ANGPT1: variants seen among roughly 807,000 people sequenced by gnomAD.
ANGPT1 encodes the protein angiopoietin-1.
Under a neutral mutation model 62.2 loss-of-function variants are expected in ANGPT1, and 17 were observed. The observed-to-expected ratio is 0.27, with a 90% confidence interval of 0.19 to 0.41. The LOEUF (loss-of-function observed/expected upper bound fraction) is 0.41. Ranked by LOEUF, ANGPT1 falls within the 10% of genes least tolerant of loss-of-function variation. ANGPT1 has a pLI of 1.00. For missense variants in ANGPT1, 478 were observed against 594.9 expected (o/e 0.80, Z 2.04); for synonymous variants, 199 against 198.9 (o/e 1.00, Z 0.00).
chr8:107,466,506 T>G (rs2130487776), intron 1 of ANGPT1, among the ~76,000 whole-genome samples: 1 of 152,260 alleles, frequency 6.6e-6, no homozygotes, highest in East Asian at 1.9e-4. Flanking sequence ...CCTGGCCTAC[T>G]TCATACACTC....
chr8:107,376,254 C>T (rs546587179), intron 1 of ANGPT1, among the ~76,000 whole-genome samples: 1 of 152,240 alleles, frequency 6.6e-6, no homozygotes, highest in South Asian at 2.1e-4. Context: ...ATAACTCTTG[C>T]CACAAGTTGC....
At chr8:107,439,991 T>C (rs1811432240) in intron 1 of ANGPT1, among the ~76,000 whole-genome samples, 1 of 152,152 alleles carries the variant, frequency 6.6e-6, no homozygotes, top group Non-Finnish European at 1.5e-5. Flanking sequence ...TCGGAAACCA[T>C]GGTGCAGGGA....
intron 7 of ANGPT1, among the ~76,000 whole-genome samples, chr8:107,276,327 CAGG>C (rs1813865829): frequency 1.3e-5 from 2 of 152,144 alleles, no homozygotes; most frequent in South Asian, 2.1e-4. Flanking sequence ...TAGAAACTGC[CAGG>C]AGATTTCCTA....
At chr8:107,373,296 T>C (rs915565488) in intron 1 of ANGPT1, among the ~76,000 whole-genome samples, 7 of 151,718 alleles carry the variant, frequency 4.6e-5, no homozygotes, top group Non-Finnish European at 7.4e-5. Context: ...AATTAGAGAG[T>C]GTATTTGGAG....
chr8:107,282,694 T>C (rs1361813549), intron 7 of ANGPT1, among the ~76,000 whole-genome samples: 1 of 150,290 alleles, frequency 6.7e-6, no homozygotes, highest in African/African-American at 2.4e-5. Context: ...CACAGTTCTA[T>C]CAAGAAAGAA....
chr8:107,394,745 AT>A (rs1816902164), intron 1 of ANGPT1, among the ~76,000 whole-genome samples: 1 of 152,156 alleles, frequency 6.6e-6, no homozygotes, highest in Non-Finnish European at 1.5e-5. Flanking sequence ...CTTCAGGATG[AT>A]TTTGTTAAGA....
chr8:107,361,031 A>G (rs560053544), intron 1 of ANGPT1, among the ~76,000 whole-genome samples: 4 of 152,214 alleles, frequency 2.6e-5, no homozygotes, highest in Non-Finnish European at 5.9e-5. Context: ...TTACTCAACC[A>G]AAACAGAGAC....
intron 1 of ANGPT1, among the ~76,000 whole-genome samples, chr8:107,348,061 C>T (rs1815851140): frequency 6.6e-6 from 1 of 152,158 alleles, no homozygotes; most frequent in South Asian, 2.1e-4. Context: ...TTTTATTACT[C>T]TACTACACAT....
At chr8:107,297,795 A>G (rs1814454451) in intron 5 of ANGPT1, among the ~76,000 whole-genome samples, 1 of 151,164 alleles carries the variant, frequency 6.6e-6, no homozygotes, top group African/African-American at 2.4e-5. Flanking sequence ...ACATATATCT[A>G]TATTTAAGAG....
chr8:107,468,713 T>A (rs1352834618), intron 1 of ANGPT1, among the ~76,000 whole-genome samples: 1 of 152,026 alleles, frequency 6.6e-6, no homozygotes, highest in Non-Finnish European at 1.5e-5. Flanking sequence ...TGAACATGCA[T>A]CTCTCTGGAA....
intron 4 of ANGPT1, among the ~76,000 whole-genome samples, chr8:107,304,134 C>A (rs1178546612): frequency 1.3e-5 from 2 of 151,652 alleles, no homozygotes; most frequent in Non-Finnish European, 3.0e-5. Context: ...GTGAAAGAGT[C>A]ACAGTAAACA....
chr8:107,372,798 T>C (rs1448170434), intron 1 of ANGPT1, among the ~76,000 whole-genome samples: 2 of 151,540 alleles, frequency 1.3e-5, no homozygotes, highest in East Asian at 3.9e-4. Context: ...CATTTTCCTC[T>C]GGATTTTTGT....
At chr8:107,372,232 G>A (rs1050080821) in intron 1 of ANGPT1, among the ~76,000 whole-genome samples, 2 of 152,100 alleles carry the variant, frequency 1.3e-5, no homozygotes, top group African/African-American at 4.8e-5. Context: ...CCTCCCAGCT[G>A]TAACAAGTAA....
chr8:107,255,256 T>C (rs1416345014), intron 8 of ANGPT1, among the ~76,000 whole-genome samples: 2 of 152,062 alleles, frequency 1.3e-5, no homozygotes, highest in African/African-American at 4.8e-5. Context: ...TCCTGAAAGA[T>C]GGGTATGAGT....
At chr8:107,469,989 G>C (rs1198499459) in intron 1 of ANGPT1, among the ~76,000 whole-genome samples, 1 of 151,954 alleles carries the variant, frequency 6.6e-6, no homozygotes, top group South Asian at 2.1e-4. Flanking sequence ...CTCTATGTAG[G>C]TTTAAAATGA....
chr8:107,439,730 C>T (rs72674320), intron 1 of ANGPT1, among the ~76,000 whole-genome samples: 2,925 of 152,270 alleles, frequency 0.019, 38 homozygotes, highest in Non-Finnish European at 0.028. Context: ...TGTATTGCTG[C>T]TCAAAAGGAT....
At chr8:107,383,806 A>C (rs1412632552) in intron 1 of ANGPT1, among the ~76,000 whole-genome samples, 1 of 152,132 alleles carries the variant, frequency 6.6e-6, no homozygotes. Context: ...TTAGCCCTGC[A>C]AGCATATTGT....
At chr8:107,274,442 T>C (rs904587525) in intron 7 of ANGPT1, among the ~76,000 whole-genome samples, 1 of 152,128 alleles carries the variant, frequency 6.6e-6, no homozygotes, top group Non-Finnish European at 1.5e-5. Flanking sequence ...AAATGAACAA[T>C]GTATGCTGTG....
intron 7 of ANGPT1, among the ~76,000 whole-genome samples, chr8:107,273,165 TA>T (rs772508046): frequency 4.7e-4 from 72 of 152,242 alleles, no homozygotes; most frequent in Non-Finnish European, 9.1e-4. Flanking sequence ...TTTTTCAGTC[TA>T]AACAAATTCT....
Sources: allele counts gnomAD v4.1 joint callset (sites outside exome capture counted in the v4.1 genomes callset), GRCh38; gene constraint gnomAD v4.1.1; transcripts MANE v1.5; gene names NCBI Gene and HGNC (gene_info 2026-07-23, HGNC 2026-07-21).